Variants in DEPTOR observed in about 807,000 individuals in gnomAD.
DEPTOR encodes the protein DEP domain-containing mTOR-interacting protein.
A neutral mutation model predicts 41.6 loss-of-function variants in DEPTOR; 41 were observed. That is an observed-to-expected ratio of 0.98 (90% confidence interval 0.77 to 1.28). The LOEUF (loss-of-function observed/expected upper bound fraction) is 1.28. Among genes scored for constraint, DEPTOR ranks in the 50% most tolerant of loss-of-function variants. The pLI, the probability that DEPTOR is intolerant of heterozygous loss-of-function variation, is 0.00. For missense variants in DEPTOR, 514 were observed against 527.9 expected, an observed-to-expected ratio of 0.97 and a Z score of 0.26; for synonymous variants, 195 against 192.3, an observed-to-expected ratio of 1.01 and a Z score of -0.12.
intron 1 of DEPTOR, among the ~76,000 whole-genome samples, chr8:119,902,426 G>T (rs1247217141): frequency 6.6e-6 from 1 of 152,050 alleles, no homozygotes; most frequent in Non-Finnish European, 1.5e-5. Context: ...TGCAGCCTCT[G>T]CCTCCCTGGT....
intron 1 of DEPTOR, among the ~76,000 whole-genome samples, chr8:119,927,196 G>T (rs7814294): frequency 0.5 from 75,882 of 151,882 alleles, 20,644 homozygotes; most frequent in African/African-American, 0.7. Flanking sequence ...GCAGAGTACA[G>T]AGCTCTGGCC....
At chr8:119,973,785 T>G (rs1355080561) in intron 4 of DEPTOR, among the ~76,000 whole-genome samples, 1 of 152,240 alleles carries the variant, frequency 6.6e-6, no homozygotes, top group Non-Finnish European at 1.5e-5. Context: ...CTTTTTCTTT[T>G]GTTTTAAACA....
chr8:119,963,486 C>G (rs559941386), intron 3 of DEPTOR, among the ~76,000 whole-genome samples: 35 of 152,182 alleles, frequency 2.3e-4, no homozygotes, highest in African/African-American at 8.4e-4. Context: ...GTAGCTGGTA[C>G]TACAGGCATG....
At position 119,896,854 on chromosome 8, in the gene DEPTOR, T is replaced by C. The variant is rs138702393; in HGVS notation, c.122+22886T>C. On this transcript the variant is annotated intron_variant, in intron 1 of 8. Transcript: ENST00000286234. ...TGGGCAAAAATTAAACTTACATAGATGATAATAATTGTGTCAACTACATAT... is the reference window on the plus strand; with the variant it reads ...TGGGCAAAAATTAAACTTACATAGACGATAATAATTGTGTCAACTACATAT... 2.6e-3 allele frequency among the ~76,000 whole-genome samples: 396 copies of C among 151,014 alleles called. 3 individuals carry two copies. Among genetic ancestry groups the C allele is most frequent in the African/African-American group, 8.8e-3 (356 of 40,436 alleles).
chr8:119,991,096 CTTTCTTTCTTTCTTTCTTTCTTT>C (rs1563584719), intron 4 of DEPTOR, among the ~76,000 whole-genome samples: 10 of 80,932 alleles, frequency 1.2e-4, no homozygotes, highest in African/African-American at 3.9e-4. Flanking sequence ...CTTTTTCTTT[CTTTCTTTCTTTCTTTCTTTCTTT>C]TTTTTTTAAA....
intron 2 of DEPTOR, among the ~76,000 whole-genome samples, chr8:119,928,903 A>G (rs1828004347): frequency 2.0e-5 from 3 of 151,916 alleles, no homozygotes; most frequent in African/African-American, 7.2e-5. Context: ...CATTTGGGTT[A>G]TTTCTATGTA....
intron 1 of DEPTOR, among the ~76,000 whole-genome samples, chr8:119,914,303 A>G (rs1827784540): frequency 6.6e-6 from 1 of 151,614 alleles, no homozygotes; most frequent in Non-Finnish European, 1.5e-5. Flanking sequence ...CGGCCTCCCA[A>G]AGTGCTGGAA....
intron 3 of DEPTOR, among the ~76,000 whole-genome samples, chr8:119,930,949 T>C (rs1386373789): frequency 1.3e-5 from 2 of 152,096 alleles, no homozygotes; most frequent in African/African-American, 2.4e-5. Flanking sequence ...CGGTGGCTTA[T>C]GCCTGTAATC....
chr8:119,898,201 T>A (rs1291706507), intron 1 of DEPTOR, among the ~76,000 whole-genome samples: 1 of 152,164 alleles, frequency 6.6e-6, no homozygotes, highest in South Asian at 2.1e-4. Context: ...AAGCCAAAAA[T>A]ATTTGCTATC....
At position 119,969,350 on chromosome 8, in the gene DEPTOR, G is replaced by GT. The variant is rs779368330; in HGVS notation, c.604+3949dup. 1.7e-3 allele frequency among the ~76,000 whole-genome samples: 240 copies of GT among 139,150 alleles called. 2 individuals carry two copies. In the South Asian group the frequency reaches 0.032, roughly 18 times the overall value. The allele number at this position is 139,150 out of a possible 152,430, so 91.3% of individuals were successfully genotyped here. On this transcript the variant is annotated intron_variant, in intron 4 of 8. Transcript: ENST00000286234. ...GCATTTTTGATAATAAATCTGTTTT[G>GT]TTTTTTTTTGTTTTTTTTTTTGAGA...
intron 4 of DEPTOR, among the ~76,000 whole-genome samples, chr8:119,977,103 C>A (rs1185353700): frequency 6.6e-6 from 1 of 152,112 alleles, no homozygotes; most frequent in Non-Finnish European, 1.5e-5. Flanking sequence ...CGGGTTGTAG[C>A]GATTCTCCTG....
At chr8:119,900,636 G>T (rs190878010) in intron 1 of DEPTOR, among the ~76,000 whole-genome samples, 7 of 151,770 alleles carry the variant, frequency 4.6e-5, no homozygotes, top group African/African-American at 1.7e-4. Flanking sequence ...TGATCCTCCT[G>T]GCTCAGCCTC....
At chr8:119,982,378 C>T (rs1330929629) in intron 4 of DEPTOR, among the ~76,000 whole-genome samples, 7 of 152,142 alleles carry the variant, frequency 4.6e-5, no homozygotes, top group African/African-American at 7.2e-5. Context: ...GTTTCTTACA[C>T]GATATGGGCT....
chr8:119,944,598 C>T, intron 3 of DEPTOR, among the ~76,000 whole-genome samples: 1 of 151,648 alleles, frequency 6.6e-6, no homozygotes. Flanking sequence ...AGCATATGCC[C>T]CATAAATGTT....
chr8:120,002,791 A>AAAAATATATATATAT, intron 5 of DEPTOR, among the ~76,000 whole-genome samples, 186 bp from the exon 6 acceptor site: 73 of 60,662 alleles, frequency 1.2e-3, no homozygotes, highest in Non-Finnish European at 1.7e-3. Flanking sequence ...AAAAAAAAAA[A>AAAAATATATATATAT]ATATATATAT....
At position 119,965,231 on chromosome 8, in the gene DEPTOR, G is replaced by A; in HGVS notation, c.426-1G>A. 2.5e-6 allele frequency: 4 copies of A among 1,599,342 alleles called. No individual in the cohort carries two copies. Among genetic ancestry groups the A allele is most frequent in the Non-Finnish European group, 3.4e-6 (4 of 1,175,918 alleles). On this transcript the variant is annotated splice_acceptor_variant, in intron 3 of 8. Coordinates refer to ENST00000286234, the MANE Select transcript of DEPTOR (RefSeq NM_022783.4). LOFTEE classifies it high-confidence loss of function. ...TTTCTTTTCCCTTTTTTTCTTCCCAGGCTGATGAGCCCTGAAAACACACTC... is the reference window on the plus strand; with the variant it reads ...TTTCTTTTCCCTTTTTTTCTTCCCAAGCTGATGAGCCCTGAAAACACACTC...
At chr8:120,039,693 C>T (rs891536441) in intron 8 of DEPTOR, among the ~76,000 whole-genome samples, 4 of 152,252 alleles carry the variant, frequency 2.6e-5, no homozygotes, top group Non-Finnish European at 2.9e-5. Context: ...AGTCCTTATT[C>T]TCAGGAGCCT....
At chr8:119,956,738 T>C (rs1050713927) in intron 3 of DEPTOR, among the ~76,000 whole-genome samples, 4 of 110,826 alleles carry the variant, frequency 3.6e-5, no homozygotes, top group African/African-American at 1.0e-4. Flanking sequence ...TTTTTTTTTT[T>C]TGTTTTTTTT....
At chr8:119,998,195 C>A (rs924649740) in intron 4 of DEPTOR, among the ~76,000 whole-genome samples, 7 of 152,150 alleles carry the variant, frequency 4.6e-5, no homozygotes, top group Non-Finnish European at 4.4e-5. Flanking sequence ...CTCAAGCGAT[C>A]CTCCCAGCTC....
Sources: gnomAD v4.1 joint callset for allele counts (sites outside exome capture counted in the v4.1 genomes callset) on GRCh38, gnomAD v4.1.1 for gene constraint, MANE v1.5 for transcripts, NCBI Gene and HGNC (gene_info 2026-07-23, HGNC 2026-07-21) for gene names.